SCAND3: variants seen among roughly 807,000 people sequenced by gnomAD.
SCAND3 encodes SCAN domain-containing protein 3.
chr6:28,574,357 T>G, the SCAND3 span, among the ~76,000 whole-genome samples: 1 of 152,194 alleles, frequency 6.6e-6, no homozygotes, highest in Non-Finnish European at 1.5e-5. Context: ...CTATTGATTT[T>G]AAATTTTTTT....
chr6:28,594,628 C>A, the SCAND3 span, among the ~76,000 whole-genome samples: 15 of 152,226 alleles, frequency 9.9e-5, no homozygotes, highest in South Asian at 3.1e-3. Context: ...GCACTCCAGC[C>A]TGGGTGACAA....
chr6:28,602,603 T>G, the SCAND3 span, among the ~76,000 whole-genome samples: 1 of 152,374 alleles, frequency 6.6e-6, no homozygotes, highest in African/African-American at 2.4e-5. Flanking sequence ...GCTTATGATT[T>G]TGGCATGTTT....
chr6:28,576,080 T>C, the SCAND3 span: 1 of 1,612,134 alleles, frequency 6.2e-7, no homozygotes, highest in African/African-American at 1.3e-5. Flanking sequence ...GTATCTAAGC[T>C]ACTGAGGTTA....
chr6:28,596,530 G>A, the SCAND3 span, among the ~76,000 whole-genome samples: 1 of 152,126 alleles, frequency 6.6e-6, no homozygotes, highest in East Asian at 1.9e-4. Flanking sequence ...AATTATGGAT[G>A]GGTGCAAGAT....
At chr6:28,586,735 C>A in the SCAND3 span, 6 of 1,601,396 alleles carry the variant, frequency 3.7e-6, no homozygotes, top group Non-Finnish European at 5.1e-6. The surrounding 1 kb of genome is among the most constrained non-coding windows in gnomAD (Gnocchi z 4.4). Context: ...TTAGACAGCT[C>A]AGGCAAAGGT....
At chr6:28,613,568 G>A in the SCAND3 span, among the ~76,000 whole-genome samples, 22 of 152,104 alleles carry the variant, frequency 1.4e-4, no homozygotes, top group Non-Finnish European at 2.2e-4. Context: ...CTTCAATTCA[G>A]TGGACATGTA....
At chr6:28,576,013 G>A in the SCAND3 span, 1 of 1,613,616 alleles carries the variant, frequency 6.2e-7, no homozygotes, top group South Asian at 1.1e-5. Context: ...CAGTAACCTT[G>A]CTAAGCTTCT....
At chr6:28,581,948 C>T in the SCAND3 span, among the ~76,000 whole-genome samples, 1 of 152,128 alleles carries the variant, frequency 6.6e-6, no homozygotes, top group African/African-American at 2.4e-5. Flanking sequence ...GGGGAAATCA[C>T]ACAAAAACAA....
chr6:28,598,550 A>C, the SCAND3 span, among the ~76,000 whole-genome samples: 1 of 152,108 alleles, frequency 6.6e-6, no homozygotes, highest in African/African-American at 2.4e-5. Context: ...TGTTTATTTA[A>C]TGATTCAAAC....
chr6:28,604,146 C>A, the SCAND3 span, among the ~76,000 whole-genome samples: 3 of 152,268 alleles, frequency 2.0e-5, no homozygotes, highest in African/African-American at 7.2e-5. Flanking sequence ...AAAGATTTGG[C>A]CCCACCTTCT....
At chr6:28,601,837 G>C in the SCAND3 span, among the ~76,000 whole-genome samples, 1 of 152,114 alleles carries the variant, frequency 6.6e-6, no homozygotes, top group Non-Finnish European at 1.5e-5. Flanking sequence ...CACTCTTAAG[G>C]CTCCACCGAT....
the SCAND3 span, chr6:28,572,071 G>C: frequency 6.2e-7 from 1 of 1,614,016 alleles, no homozygotes; most frequent in Non-Finnish European, 8.5e-7. The surrounding 1 kb of genome is among the most constrained non-coding windows in gnomAD (Gnocchi z 4.1). Context: ...GAGGTATGTT[G>C]AGGGGAAAAG....
chr6:28,586,555 A>G, the SCAND3 span: 2 of 1,614,244 alleles, frequency 1.2e-6, no homozygotes, highest in South Asian at 2.2e-5. The surrounding 1 kb of genome is among the most constrained non-coding windows in gnomAD (Gnocchi z 4.4). Flanking sequence ...AACTGCCTGA[A>G]GCGCTGACGA....
At chr6:28,585,191 A>G in the SCAND3 span, 1 of 152,244 alleles carries the variant, frequency 6.6e-6, no homozygotes, top group Non-Finnish European at 1.5e-5. Context: ...AAAACACTGT[A>G]TAGTTTCAAA....
At chr6:28,584,192 T>C in the SCAND3 span, among the ~76,000 whole-genome samples, 1 of 152,162 alleles carries the variant, frequency 6.6e-6, no homozygotes, top group Non-Finnish European at 1.5e-5. Flanking sequence ...AATAATAAGC[T>C]TTAAAGATTG....
chr6:28,595,330 C>CAAAAAAAAAAAAAAA, the SCAND3 span, among the ~76,000 whole-genome samples: 9 of 37,326 alleles, frequency 2.4e-4, no homozygotes, highest in Admixed American at 3.7e-4. Context: ...AACCCAGTCT[C>CAAAAAAAAAAAAAAA]AAAAAAAAAA....
At chr6:28,585,526 A>C in the SCAND3 span, among the ~76,000 whole-genome samples, 5 of 152,206 alleles carry the variant, frequency 3.3e-5, no homozygotes, top group Admixed American at 3.3e-4. Context: ...GAAAACTCAT[A>C]CATGAGCTTA....
At chr6:28,579,286 G>C in the SCAND3 span, 2 of 1,613,496 alleles carry the variant, frequency 1.2e-6, no homozygotes, top group Admixed American at 3.3e-5. The surrounding 1 kb of genome is among the most constrained non-coding windows in gnomAD (Gnocchi z 4.5). Context: ...ATCTTGAAGT[G>C]GGTGTGGCTC....
At chr6:28,579,153 C>T in the SCAND3 span, 1 of 908,282 alleles carries the variant, frequency 1.1e-6, no homozygotes, top group South Asian at 1.7e-5. The surrounding 1 kb of genome is among the most constrained non-coding windows in gnomAD (Gnocchi z 4.5). Context: ...ATTGGCTTTT[C>T]CTTCAACTAT....
Sources: gnomAD v4.1 joint callset for allele counts (sites outside exome capture counted in the v4.1 genomes callset) on GRCh38, gnomAD v4.1.1 for gene constraint, Gnocchi (gnomAD v3.1) non-coding constraint, MANE v1.5 for transcripts, NCBI Gene and HGNC (gene_info 2026-07-23, HGNC 2026-07-21) for gene names.